The following CDIN1 variants were observed in gnomAD, a reference collection of about 807,000 sequenced individuals.
CDIN1 encodes the protein CDAN1 interacting nuclease 1.
A neutral mutation model predicts 45.3 loss-of-function variants in CDIN1; 33 were observed. The observed-to-expected ratio is 0.73, with a 90% confidence interval of 0.55 to 0.97. The LOEUF (loss-of-function observed/expected upper bound fraction) is 0.97, where lower values mean the gene tolerates loss of function less well. Ranked by LOEUF, CDIN1 falls within the 50% of genes least tolerant of loss-of-function variation. CDIN1 has a pLI of 0.00. For missense variants in CDIN1, 303 were observed against 339.4 expected (o/e 0.89, Z 0.84); for synonymous variants, 118 against 124.4 (o/e 0.95, Z 0.34).
intron 1 of CDIN1, among the ~76,000 whole-genome samples, chr15:36,608,913 A>G (rs1222339555): frequency 1.3e-5 from 2 of 152,174 alleles, no homozygotes; most frequent in African/African-American, 4.8e-5. Context: ...TTTTAAAGTT[A>G]TACACAAATA....
chr15:36,780,738 A>G (rs1008867444), intron 10 of CDIN1, among the ~76,000 whole-genome samples: 1 of 152,232 alleles, frequency 6.6e-6, no homozygotes, highest in African/African-American at 2.4e-5. Flanking sequence ...ATAACTGTGC[A>G]ATAGAGTAGA....
chr15:36,730,360 G>A (rs377408119), intron 10 of CDIN1, among the ~76,000 whole-genome samples: 4 of 152,158 alleles, frequency 2.6e-5, no homozygotes, highest in South Asian at 4.2e-4. Context: ...GTAATAAGTG[G>A]TTTATTCTAA....
intron 10 of CDIN1, among the ~76,000 whole-genome samples, chr15:36,714,217 GA>G (rs2043148007): frequency 6.6e-6 from 1 of 152,088 alleles, no homozygotes; most frequent in African/African-American, 2.4e-5. Context: ...TCATGAAATA[GA>G]GCATAAATGT....
rs1183656286 is a variant in CDIN1, at chr15:36,644,314, G to C, written c.138G>C (p.Gln46His). The C allele has an allele frequency of 2.5e-6, 4 of 1,613,580 alleles. No individual in the cohort carries two copies. Among genetic ancestry groups the C allele is most frequent in the East Asian group, 4.5e-5 (2 of 44,874 alleles). Reference protein sequence around the residue: ...SQATLLSIFSQEYQKHIKRTH... With the variant: ...SQATLLSIFSHEYQKHIKRTH... ...CCACTCTGCTGAGCATCTTCTCCCA[G>C]GAGTACCAGGTTAGAAGTTTTCTCC... Residue 46 changes from glutamine to histidine, a missense_variant, in exon 2 of 11, where the codon CAG becomes CAC. Gln to His is a conservative substitution (Grantham distance 24). Coordinates refer to ENST00000566621, the MANE Select transcript of CDIN1 (RefSeq NM_001321759.2).
chr15:36,677,696 G>A (rs2041697762), intron 5 of CDIN1, among the ~76,000 whole-genome samples: 1 of 152,140 alleles, frequency 6.6e-6, no homozygotes, highest in African/African-American at 2.4e-5. Flanking sequence ...CACAATATGA[G>A]GGAGAGGAAG....
At chr15:36,675,265 G>A (rs1041397656) in intron 5 of CDIN1, among the ~76,000 whole-genome samples, 4 of 152,084 alleles carry the variant, frequency 2.6e-5, no homozygotes, top group Non-Finnish European at 5.9e-5. Context: ...TTGCTGCACT[G>A]TGGGAGTAAT....
At chr15:36,805,929 A>G (rs2055212609) in intron 10 of CDIN1, among the ~76,000 whole-genome samples, 1 of 152,200 alleles carries the variant, frequency 6.6e-6, no homozygotes, top group African/African-American at 2.4e-5. Flanking sequence ...TCTATTTACA[A>G]AGGGACATTG....
At chr15:36,786,542 A>T (rs1354408987) in intron 10 of CDIN1, among the ~76,000 whole-genome samples, 1 of 152,194 alleles carries the variant, frequency 6.6e-6, no homozygotes, top group Non-Finnish European at 1.5e-5. Flanking sequence ...CTGTGGACAC[A>T]AATTTCATAA....
chr15:36,772,822 G>T (rs1016681626), intron 10 of CDIN1, among the ~76,000 whole-genome samples: 1 of 152,208 alleles, frequency 6.6e-6, no homozygotes, highest in African/African-American at 2.4e-5. Context: ...TGTGTTAACA[G>T]AGGAAATCAG....
chr15:36,785,853 A>G (rs1460540322), intron 10 of CDIN1, among the ~76,000 whole-genome samples: 1 of 151,830 alleles, frequency 6.6e-6, no homozygotes, highest in East Asian at 1.9e-4. Flanking sequence ...CTTGACACAC[A>G]CTGTACCATA....
At chr15:36,737,302 G>A (rs1328515796) in intron 10 of CDIN1, among the ~76,000 whole-genome samples, 2 of 152,002 alleles carry the variant, frequency 1.3e-5, no homozygotes, top group African/African-American at 4.8e-5. Flanking sequence ...TTCAAATGAA[G>A]TGATTCATCT....
chr15:36,786,414 T>C (rs2054492660), intron 10 of CDIN1, among the ~76,000 whole-genome samples: 1 of 152,220 alleles, frequency 6.6e-6, no homozygotes, highest in Non-Finnish European at 1.5e-5. Context: ...ATCGTAGTTG[T>C]TTGTTCACTG....
At chr15:36,737,628 ACT>A (rs1474318500) in intron 10 of CDIN1, among the ~76,000 whole-genome samples, 1 of 152,102 alleles carries the variant, frequency 6.6e-6, no homozygotes, top group Non-Finnish European at 1.5e-5. Context: ...CCAGTTAATG[ACT>A]CTTCATCCTT....
intron 10 of CDIN1, among the ~76,000 whole-genome samples, chr15:36,753,139 A>C (rs2053519168): frequency 6.6e-6 from 1 of 152,188 alleles, no homozygotes; most frequent in Non-Finnish European, 1.5e-5. Flanking sequence ...CCACTGCGGC[A>C]ACTGTGAGGG....
intron 10 of CDIN1, among the ~76,000 whole-genome samples, chr15:36,773,252 G>A (rs541242162): frequency 6.6e-6 from 1 of 152,124 alleles, no homozygotes; most frequent in Admixed American, 6.5e-5. Context: ...AGGGCTATTG[G>A]TCCCATGGTG....
At chr15:36,735,241 A>G (rs2043975636) in intron 10 of CDIN1, among the ~76,000 whole-genome samples, 1 of 152,182 alleles carries the variant, frequency 6.6e-6, no homozygotes, top group African/African-American at 2.4e-5. Flanking sequence ...CAATATGATG[A>G]ATTACGTCAG....
intron 1 of CDIN1, among the ~76,000 whole-genome samples, chr15:36,597,065 A>G (rs1201307686): frequency 2.0e-5 from 3 of 152,196 alleles, no homozygotes; most frequent in Admixed American, 6.5e-5. Flanking sequence ...GACCAAGACC[A>G]TTTTGGACCT....
At chr15:36,754,376 T>C (rs1474754343) in intron 10 of CDIN1, among the ~76,000 whole-genome samples, 1 of 152,116 alleles carries the variant, frequency 6.6e-6, no homozygotes, top group African/African-American at 2.4e-5. Context: ...AAACTGTAGA[T>C]GAGAAGGCTC....
intron 7 of CDIN1, among the ~76,000 whole-genome samples, chr15:36,696,191 C>T (rs1260018393): frequency 6.6e-6 from 1 of 152,086 alleles, no homozygotes; most frequent in East Asian, 1.9e-4. Flanking sequence ...ATAGTAAGCA[C>T]TGAAAAAATA....
Sources: gnomAD v4.1 joint callset for allele counts (sites outside exome capture counted in the v4.1 genomes callset) on GRCh38, gnomAD v4.1.1 for gene constraint, MANE v1.5 for transcripts, NCBI Gene and HGNC (gene_info 2026-07-23, HGNC 2026-07-21) for gene names.